Variants in CADM2 observed in about 807,000 individuals in gnomAD.
The protein encoded by CADM2 is cell adhesion molecule 2.
CADM2 carries 12 observed loss-of-function variants against 49.8 expected under a neutral mutation model. The ratio of observed to expected loss-of-function variants is 0.24; its 90% CI spans 0.15 to 0.39. The LOEUF (loss-of-function observed/expected upper bound fraction) is 0.39. CADM2 is among the 10% of genes least tolerant of loss of function. CADM2 has a pLI of 1.00. For missense variants in CADM2, 378 were observed against 492.3 expected (o/e 0.77, Z 2.20); for synonymous variants, 214 against 175.4 (o/e 1.22, Z -1.74).
intron 1 of CADM2, among the ~76,000 whole-genome samples, chr3:85,554,979 G>A (rs146465893): frequency 2.0e-5 from 3 of 151,104 alleles, no homozygotes; most frequent in Non-Finnish European, 4.4e-5. Context: ...GCCTCACAAA[G>A]TGTTGGAATT....
chr3:85,425,488 T>A (rs2107507584), intron 1 of CADM2, among the ~76,000 whole-genome samples: 1 of 152,354 alleles, frequency 6.6e-6, no homozygotes, highest in African/African-American at 2.4e-5. Flanking sequence ...AATATGTATC[T>A]ATTTTGTGTG....
chr3:85,054,586 T>C (rs2036006589), intron 1 of CADM2, among the ~76,000 whole-genome samples: 1 of 151,874 alleles, frequency 6.6e-6, no homozygotes, highest in African/African-American at 2.4e-5. Flanking sequence ...AGAGCAGTTA[T>C]GAGGTTATTA....
chr3:86,019,994 A>G (rs1421012528), intron 8 of CADM2, among the ~76,000 whole-genome samples: 4 of 152,092 alleles, frequency 2.6e-5, no homozygotes, highest in Admixed American at 6.6e-5. Context: ...TAAAATCAGA[A>G]CAGAACTGAA....
intron 1 of CADM2, among the ~76,000 whole-genome samples, chr3:85,645,554 A>T (rs1167920341): frequency 6.6e-6 from 1 of 152,022 alleles, no homozygotes; most frequent in East Asian, 1.9e-4. Context: ...TAAAGTCACT[A>T]CATGATTTTC....
chr3:85,941,317 A>G (rs898929799), intron 7 of CADM2, among the ~76,000 whole-genome samples: 12 of 152,074 alleles, frequency 7.9e-5, no homozygotes, highest in African/African-American at 2.7e-4. Context: ...CAACTGAGTT[A>G]TCATCTCACA....
chr3:85,141,148 G>A (rs2107627944), intron 1 of CADM2, among the ~76,000 whole-genome samples: 1 of 152,216 alleles, frequency 6.6e-6, no homozygotes, highest in Middle Eastern at 3.4e-3. Context: ...TACACTAAAG[G>A]AAATTAATGG....
At chr3:85,268,061 C>T (rs1369131757) in intron 1 of CADM2, among the ~76,000 whole-genome samples, 2 of 151,360 alleles carry the variant, frequency 1.3e-5, no homozygotes, top group Admixed American at 6.6e-5. Flanking sequence ...ACAGATGTTA[C>T]CAATGCATTT....
intron 3 of CADM2, among the ~76,000 whole-genome samples, chr3:85,825,184 A>G (rs1401290711): frequency 6.6e-6 from 1 of 152,116 alleles, no homozygotes; most frequent in Non-Finnish European, 1.5e-5. Flanking sequence ...TTAAAGTACA[A>G]TTACCGTGAG....
chr3:85,164,410 T>A (rs2040414399), intron 1 of CADM2, among the ~76,000 whole-genome samples: 1 of 152,106 alleles, frequency 6.6e-6, no homozygotes, highest in Admixed American at 6.6e-5. Context: ...GATGTGTGGT[T>A]AAATCTTTGC....
At chr3:85,089,185 G>A (rs1024067948) in intron 1 of CADM2, among the ~76,000 whole-genome samples, 2 of 151,992 alleles carry the variant, frequency 1.3e-5, no homozygotes, top group African/African-American at 2.4e-5. Flanking sequence ...TCTATATTTT[G>A]AAGAAATCTG....
chr3:85,317,536 G>C (rs1436321383), intron 1 of CADM2, among the ~76,000 whole-genome samples: 1 of 152,198 alleles, frequency 6.6e-6, no homozygotes, highest in African/African-American at 2.4e-5. Flanking sequence ...GGAAGTCCAA[G>C]ATCAAGGCAT....
chr3:84,976,394 G>C (rs191301613), intron 1 of CADM2, among the ~76,000 whole-genome samples: 47 of 150,104 alleles, frequency 3.1e-4, no homozygotes, highest in Non-Finnish European at 5.5e-4. Flanking sequence ...TTTCAAATAT[G>C]TCATACTTTA....
intron 1 of CADM2, among the ~76,000 whole-genome samples, chr3:85,313,650 G>T (rs2044397879): frequency 6.6e-6 from 1 of 152,118 alleles, no homozygotes; most frequent in Non-Finnish European, 1.5e-5. Flanking sequence ...TTACACAACT[G>T]CAGTCAGTGA....
chr3:85,480,389 T>A (rs1438049465), intron 1 of CADM2, among the ~76,000 whole-genome samples: 6 of 151,890 alleles, frequency 4.0e-5, no homozygotes, highest in Admixed American at 3.3e-4. Context: ...AGGTTTATGT[T>A]CAGACTCTGC....
intron 1 of CADM2, among the ~76,000 whole-genome samples, chr3:85,237,904 GT>G: frequency 6.6e-6 from 1 of 151,832 alleles, no homozygotes; most frequent in African/African-American, 2.4e-5. Context: ...GAATTTCAAT[GT>G]TTTTATTTGA....
chr3:85,963,748 T>G (rs1179760784), intron 8 of CADM2, among the ~76,000 whole-genome samples: 2 of 151,894 alleles, frequency 1.3e-5, no homozygotes, highest in Non-Finnish European at 2.9e-5. Flanking sequence ...AACAGCATGA[T>G]TTCCTAAATA....
At chr3:85,254,068 A>G (rs2042833217) in intron 1 of CADM2, among the ~76,000 whole-genome samples, 1 of 152,062 alleles carries the variant, frequency 6.6e-6, no homozygotes, top group South Asian at 2.1e-4. Flanking sequence ...TGTGAACTGT[A>G]CTTCTTATTG....
chr3:84,974,874 T>A (rs182229990), intron 1 of CADM2, among the ~76,000 whole-genome samples: 254 of 152,034 alleles, frequency 1.7e-3, no homozygotes, highest in Non-Finnish European at 3.0e-3. Context: ...GCTTTTTATT[T>A]ACCAAATCTT....
chr3:85,327,591 A>ACACACAC lies in CADM2; in HGVS notation c.61+367924_61+367930dup, dbSNP rs1559781510. 2.3e-3 allele frequency among the ~76,000 whole-genome samples: 289 copies of ACACACAC among 127,278 alleles called. 2 individuals carry two copies. The East Asian group carries it at 0.025, about 11-fold the overall frequency. The allele number at this position is 127,278 out of a possible 152,430, so 83.5% of individuals were successfully genotyped here. On this transcript the variant is annotated intron_variant, in intron 1 of 9. Coordinates refer to ENST00000383699, the MANE Select transcript of CADM2 (RefSeq NM_001167675.2). ...ACACACACACACACACACACACACCACACACACACACACATAAACTATATG... is the reference window on the plus strand; with the variant it reads ...ACACACACACACACACACACACACCACACACACCACACACACACACATAAACTATATG...
Sources: gnomAD v4.1 joint callset for allele counts (sites outside exome capture counted in the v4.1 genomes callset) on GRCh38, gnomAD v4.1.1 for gene constraint, MANE v1.5 for transcripts, NCBI Gene and HGNC (gene_info 2026-07-23, HGNC 2026-07-21) for gene names.